GATAD2A: variants seen among roughly 807,000 people sequenced by gnomAD.
GATAD2A encodes transcriptional repressor p66-alpha.
A neutral mutation model predicts 68.5 loss-of-function variants in GATAD2A; 12 were observed. That is an observed-to-expected ratio of 0.18 (90% CI 0.11 to 0.28). The LOEUF is 0.28. GATAD2A is among the 10% of genes least tolerant of loss of function. GATAD2A has a pLI of 1.00. For synonymous variants in GATAD2A, 410 were observed against 375.3 expected (o/e 1.09, Z -1.07); for missense variants, 755 against 868.5 (o/e 0.87, Z 1.64).
At chr19:19,501,737 TTG>T (rs573729575) in intron 9 of GATAD2A, among the ~76,000 whole-genome samples, 72 of 152,318 alleles carry the variant, frequency 4.7e-4, no homozygotes, top group African/African-American at 1.7e-3. Flanking sequence ...TGTTCTCGTG[TTG>T]TTTTATTTTA....
chr19:19,486,336 G>C (rs899464797), intron 2 of GATAD2A, among the ~76,000 whole-genome samples: 7 of 152,214 alleles, frequency 4.6e-5, no homozygotes, highest in Non-Finnish European at 1.0e-4. Context: ...GGGACCCCAG[G>C]AAGTACTGTC....
chr19:19,447,793 G>A (rs1330308060), intron 1 of GATAD2A, among the ~76,000 whole-genome samples: 1 of 152,252 alleles, frequency 6.6e-6, no homozygotes, highest in Non-Finnish European at 1.5e-5. Context: ...TCACCACGTT[G>A]CTGGGTGCCC....
chr19:19,454,815 G>C (rs1338351395), intron 1 of GATAD2A, among the ~76,000 whole-genome samples: 1 of 149,128 alleles, frequency 6.7e-6, no homozygotes, highest in African/African-American at 2.5e-5. Flanking sequence ...TGGAAAAGCA[G>C]ATTTGTTCCA....
chr19:19,440,799 C>T (rs899563615), intron 1 of GATAD2A, among the ~76,000 whole-genome samples: 1 of 152,220 alleles, frequency 6.6e-6, no homozygotes, highest in Non-Finnish European at 1.5e-5. Context: ...GGTGACTTAA[C>T]CTCTCAGAAC....
intron 1 of GATAD2A, among the ~76,000 whole-genome samples, chr19:19,419,064 T>G (rs1214010283): frequency 6.6e-6 from 1 of 152,086 alleles, no homozygotes; most frequent in African/African-American, 2.4e-5. Flanking sequence ...CCACCATCCT[T>G]GAATTCAGTG....
intron 1 of GATAD2A, among the ~76,000 whole-genome samples, chr19:19,460,935 C>T (rs1005289104): frequency 6.6e-6 from 1 of 152,232 alleles, no homozygotes; most frequent in African/African-American, 2.4e-5. Flanking sequence ...CCGTTCCACC[C>T]AGCCCCCGTC....
At chr19:19,482,251 A>G (rs2059113535) in intron 2 of GATAD2A, among the ~76,000 whole-genome samples, 1 of 152,114 alleles carries the variant, frequency 6.6e-6, no homozygotes, top group Non-Finnish European at 1.5e-5. Context: ...TAAAAATACA[A>G]AAATTAGCCA....
intron 1 of GATAD2A, among the ~76,000 whole-genome samples, chr19:19,459,126 C>A (rs1412398171): frequency 6.6e-6 from 1 of 152,154 alleles, no homozygotes; most frequent in Non-Finnish European, 1.5e-5. Flanking sequence ...GCTTTTGATT[C>A]TCATCCTTAG....
intron 2 of GATAD2A, 32 bp from the exon 3 acceptor site, chr19:19,492,274 G>A (rs1195992227): frequency 6.3e-7 from 1 of 1,583,926 alleles, no homozygotes; most frequent in South Asian, 1.2e-5. Context: ...GCTGTCAAGG[G>A]CGCTCTGGTC....
intron 1 of GATAD2A, among the ~76,000 whole-genome samples, chr19:19,412,516 C>T (rs2051084453): frequency 6.6e-6 from 1 of 151,874 alleles, no homozygotes; most frequent in Non-Finnish European, 1.5e-5. Flanking sequence ...TCTGTAGGCC[C>T]TGCTACTTGC....
At chr19:19,393,031 T>C (rs2048962475) in intron 1 of GATAD2A, among the ~76,000 whole-genome samples, 1 of 152,062 alleles carries the variant, frequency 6.6e-6, no homozygotes, top group African/African-American at 2.4e-5. Context: ...AGGGGCCAGG[T>C]GCGGTGGCTT....
intron 2 of GATAD2A, among the ~76,000 whole-genome samples, chr19:19,488,838 G>A (rs1375055950): frequency 6.6e-6 from 1 of 152,160 alleles, no homozygotes; most frequent in Non-Finnish European, 1.5e-5. Context: ...TGGGCAGGAC[G>A]GGCTTATGGG....
At chr19:19,395,283 C>T (rs56241616) in intron 1 of GATAD2A, among the ~76,000 whole-genome samples, 17,833 of 152,002 alleles carry the variant, frequency 0.12, 1,081 homozygotes, top group South Asian at 0.17. Flanking sequence ...GGCGAAACCC[C>T]GTCCCTACTA....
chr19:19,396,634 T>A (rs2049260167), intron 1 of GATAD2A, among the ~76,000 whole-genome samples: 1 of 152,230 alleles, frequency 6.6e-6, no homozygotes, highest in South Asian at 2.1e-4. Context: ...CTGCCTGCCT[T>A]GGCCTCTTAA....
rs1600330715 is a variant in GATAD2A, at chr19:19,507,908, T to A, written c.*2434T>A. The stretch of plus-strand genomic sequence containing the variant: ...AAGCGGGTTGTTGTATTATGACGTT[T>A]ATGATGTTCCAGGTGAAGGCATTAT... On this transcript the variant is annotated 3_prime_UTR_variant, in exon 12 of 12. Coordinates refer to ENST00000683918, the MANE Select transcript of GATAD2A (RefSeq NM_001384528.1). The A allele has an allele frequency of 6.6e-6, 1 of 152,400 alleles. No individual in the cohort carries two copies. The highest frequency in any genetic ancestry group is 1.9e-4 in the East Asian group (1 of 5,186). The allele number at this position is 152,400 out of a possible 1,614,324, so 9.4% of individuals were successfully genotyped here.
chr19:19,390,825 G>A (rs1451236964), intron 1 of GATAD2A, among the ~76,000 whole-genome samples: 1 of 152,168 alleles, frequency 6.6e-6, no homozygotes, highest in African/African-American at 2.4e-5. Context: ...CTTGAAAGAA[G>A]AGCCATTCTT....
intron 1 of GATAD2A, among the ~76,000 whole-genome samples, chr19:19,422,815 C>T (rs1568271098): frequency 6.6e-6 from 1 of 151,682 alleles, no homozygotes; most frequent in Non-Finnish European, 1.5e-5. Flanking sequence ...GGGTTCATGC[C>T]ACTCTTCTGC....
chr19:19,491,631 C>G (rs935396488), intron 2 of GATAD2A, among the ~76,000 whole-genome samples: 5 of 152,206 alleles, frequency 3.3e-5, no homozygotes, highest in African/African-American at 9.6e-5. Flanking sequence ...GTGTCCTAGT[C>G]AGTTTCAAAA....
chr19:19,500,003 G>A (rs1163749122), intron 8 of GATAD2A, among the ~76,000 whole-genome samples: 1 of 152,208 alleles, frequency 6.6e-6, no homozygotes, highest in African/African-American at 2.4e-5. Context: ...GAGGATTGGG[G>A]GCCGAGTTGG....
Sources: gnomAD v4.1 joint callset for allele counts (sites outside exome capture counted in the v4.1 genomes callset) on GRCh38, gnomAD v4.1.1 for gene constraint, MANE v1.5 for transcripts, NCBI Gene and HGNC (gene_info 2026-07-23, HGNC 2026-07-21) for gene names.